The following NME7 variants were observed in gnomAD, a reference collection of about 807,000 sequenced individuals.
NME7 encodes NME/NM23 family member 7, also known as nucleoside diphosphate kinase 7.
NME7 carries 41 observed loss-of-function variants against 49.1 expected under a neutral mutation model. That is an observed-to-expected ratio of 0.83 (90% CI 0.65 to 1.08). The LOEUF (loss-of-function observed/expected upper bound fraction) is 1.08. Ranked by LOEUF, NME7 falls within the 50% of genes least tolerant of loss-of-function variation. The pLI is 0.00. For synonymous variants in NME7, 139 were observed against 150.6 expected, an observed-to-expected ratio of 0.92 and a Z score of 0.56; for missense variants, 423 against 463.4, an observed-to-expected ratio of 0.91 and a Z score of 0.80.
At chr1:169,341,953 T>G (rs1256953795) in intron 1 of NME7, among the ~76,000 whole-genome samples, 1 of 152,124 alleles carries the variant, frequency 6.6e-6, no homozygotes, top group Non-Finnish European at 1.5e-5. Flanking sequence ...AGAAAAGACT[T>G]GCCTTGTCTC....
intron 1 of NME7, among the ~76,000 whole-genome samples, chr1:169,351,191 A>G (rs1272446171): frequency 6.6e-6 from 1 of 152,054 alleles, no homozygotes; most frequent in African/African-American, 2.4e-5. Flanking sequence ...AAAGCTGTCT[A>G]TTACTTACAA....
intron 11 of NME7, among the ~76,000 whole-genome samples, chr1:169,158,852 T>C (rs911442197): frequency 2.6e-5 from 4 of 152,130 alleles, no homozygotes; most frequent in Non-Finnish European, 1.5e-5. Flanking sequence ...TAAGAACCAC[T>C]GCACTAGGGA....
intron 10 of NME7, among the ~76,000 whole-genome samples, chr1:169,172,541 C>T (rs755594082): frequency 5.6e-4 from 85 of 152,236 alleles, no homozygotes; most frequent in Non-Finnish European, 1.1e-3. Context: ...TCTATTTCTC[C>T]AACACAACAA....
intron 1 of NME7, among the ~76,000 whole-genome samples, chr1:169,362,126 T>C (rs1653683171): frequency 6.6e-6 from 1 of 152,114 alleles, no homozygotes; most frequent in South Asian, 2.1e-4. Flanking sequence ...GAGAATCGCT[T>C]GAACCCAGGA....
At chr1:169,349,788 G>T (rs559558468) in intron 1 of NME7, among the ~76,000 whole-genome samples, 7 of 152,170 alleles carry the variant, frequency 4.6e-5, no homozygotes, top group Non-Finnish European at 1.0e-4. Flanking sequence ...TTTCTCATTT[G>T]TATTAGTAAG....
At chr1:169,192,653 C>T (rs1177360532) in intron 10 of NME7, among the ~76,000 whole-genome samples, 1 of 152,060 alleles carries the variant, frequency 6.6e-6, no homozygotes, top group African/African-American at 2.4e-5. Flanking sequence ...CATAAGTTTA[C>T]TCTGTAACAG....
Position 169,169,508 on chromosome 1 carries a change from C to T in NME7, c.1037G>A (p.Gly346Asp). ...AACAGCATTCTGGATCTTAGTTTTA[C>T]CAAAGATTGCTCTGAGAGTTCCAGG... is the stretch of plus-strand genomic sequence containing the variant. ...LRPGTLRAIF[G>D]KTKIQNAVHC... is the part of the protein sequence containing the mutation. Residue 346 changes from glycine (G) to aspartate (D), a missense_variant, in exon 11 of 12, where the codon GGT (glycine) becomes GAT (aspartate). Transcript: ENST00000367811. The T allele has an allele frequency of 1.9e-6, 3 of 1,614,062 alleles. No individual in the cohort carries two copies. The highest frequency in any genetic ancestry group is 2.2e-5 in the East Asian group (1 of 44,872).
At chr1:169,359,339 T>C (rs1003351424) in intron 1 of NME7, among the ~76,000 whole-genome samples, 2 of 151,996 alleles carry the variant, frequency 1.3e-5, no homozygotes, top group Non-Finnish European at 1.5e-5. Context: ...GCAGAACCCA[T>C]GGCTACCCAG....
At chr1:169,144,594 C>T (rs145774753) in intron 11 of NME7, among the ~76,000 whole-genome samples, 178 of 152,130 alleles carry the variant, frequency 1.2e-3, no homozygotes, top group African/African-American at 3.8e-3. Flanking sequence ...ATGTCAATTT[C>T]GATAACAATT....
At chr1:169,287,926 T>TG (rs548274146) in intron 6 of NME7, among the ~76,000 whole-genome samples, 1 of 152,064 alleles carries the variant, frequency 6.6e-6, no homozygotes, top group Non-Finnish European at 1.5e-5. Flanking sequence ...AGATTCAGGC[T>TG]GTGTTATTCA....
At chr1:169,325,711 T>C (rs1358286575) in intron 1 of NME7, among the ~76,000 whole-genome samples, 2 of 152,144 alleles carry the variant, frequency 1.3e-5, no homozygotes, top group Non-Finnish European at 2.9e-5. Flanking sequence ...ACTTATAAAT[T>C]CTAATGGTAG....
Position 169,360,466 on chromosome 1 carries a change from A to G in NME7, c.3+7242T>C, listed in dbSNP as rs191431251. Among the ~76,000 whole-genome samples, 136 of 152,346 alleles carry G rather than the reference A, an allele frequency of 8.9e-4. 1 individual carries two copies. The highest frequency in any genetic ancestry group is 3.1e-3 in the African/African-American group (130 of 41,582). On this transcript the variant is annotated intron_variant, in intron 1 of 11. Coordinates refer to ENST00000367811, the MANE Select transcript of NME7 (RefSeq NM_013330.5). ...TAAAATATATAAGATGTATAATACT[A>G]CTGCATTTAGAATAAAATCCAAAAT...
chr1:169,135,334 C>T (rs576783455), intron 11 of NME7, among the ~76,000 whole-genome samples: 2 of 152,142 alleles, frequency 1.3e-5, no homozygotes, highest in South Asian at 2.1e-4. Flanking sequence ...ACAAAAGTTC[C>T]GTTATGAGAA....
intron 10 of NME7, among the ~76,000 whole-genome samples, chr1:169,216,225 A>G (rs1660969580): frequency 6.6e-6 from 1 of 152,240 alleles, no homozygotes; most frequent in South Asian, 2.1e-4. Context: ...AGGTAGCTTC[A>G]GAATGAGAGC....
chr1:169,147,393 G>A (rs895061618), intron 11 of NME7, among the ~76,000 whole-genome samples: 2 of 152,202 alleles, frequency 1.3e-5, no homozygotes, highest in African/African-American at 4.8e-5. Flanking sequence ...AGTGAGGTTA[G>A]AGAGTATAAA....
At chr1:169,182,174 TA>T (rs59280361) in intron 10 of NME7, among the ~76,000 whole-genome samples, 93 of 134,054 alleles carry the variant, frequency 6.9e-4, no homozygotes, top group South Asian at 1.0e-3. Context: ...CTAGCTAATT[TA>T]AAAAAAAAAA....
chr1:169,192,323 C>A (rs1203871211), intron 10 of NME7, among the ~76,000 whole-genome samples: 1 of 152,018 alleles, frequency 6.6e-6, no homozygotes, highest in African/African-American at 2.4e-5. Flanking sequence ...CACAAACAAT[C>A]TGGGATCAAA....
chr1:169,244,053 A>ATATATATGTG (rs1476934473), intron 7 of NME7, among the ~76,000 whole-genome samples: 1 of 151,972 alleles, frequency 6.6e-6, no homozygotes. Context: ...ATGCAAAAAT[A>ATATATATGTG]TACATATGTG....
intron 11 of NME7, among the ~76,000 whole-genome samples, chr1:169,151,083 C>T (rs1365625922): frequency 6.6e-6 from 1 of 152,196 alleles, no homozygotes; most frequent in East Asian, 1.9e-4. Flanking sequence ...CTTAGACTAA[C>T]ATTGGTTGAC....
Sources: gnomAD v4.1 joint callset for allele counts (sites outside exome capture counted in the v4.1 genomes callset) on GRCh38, gnomAD v4.1.1 for gene constraint, MANE v1.5 for transcripts, NCBI Gene and HGNC (gene_info 2026-07-23, HGNC 2026-07-21) for gene names.